Variants in TCF12 observed in about 807,000 individuals in gnomAD.
TCF12 encodes DNA-binding protein HTF4.
Under a neutral mutation model 86.0 loss-of-function variants are expected in TCF12, and 45 were observed. That is an observed-to-expected ratio of 0.52 (90% CI 0.41 to 0.67). TCF12 has a LOEUF of 0.67. Ranked by LOEUF, TCF12 falls within the 30% of genes least tolerant of loss-of-function variation. TCF12 has a pLI of 0.00. For missense variants in TCF12, 881 were observed against 859.9 expected, an observed-to-expected ratio of 1.02 and a Z score of -0.31; for synonymous variants, 330 against 299.6, an observed-to-expected ratio of 1.10 and a Z score of -1.05.
intron 3 of TCF12, among the ~76,000 whole-genome samples, chr15:56,998,512 T>C (rs1180100784): frequency 6.6e-6 from 1 of 150,462 alleles, no homozygotes; most frequent in Non-Finnish European, 1.5e-5. Context: ...ATAAATCTAA[T>C]TGACATTTGT....
intron 3 of TCF12, among the ~76,000 whole-genome samples, chr15:56,921,995 A>AT (rs2059814832): frequency 6.6e-6 from 1 of 152,078 alleles, no homozygotes; most frequent in Non-Finnish European, 1.5e-5. Context: ...AAATGAAGGC[A>AT]TTTTTTGGAT....
intron 8 of TCF12, among the ~76,000 whole-genome samples, chr15:57,218,384 T>C (rs2058422979): frequency 6.6e-6 from 1 of 152,208 alleles, no homozygotes; most frequent in Non-Finnish European, 1.5e-5. Context: ...AAACGATTGA[T>C]TGGAAAACAT....
chr15:57,153,248 A>C (rs753005628), intron 5 of TCF12, among the ~76,000 whole-genome samples: 2 of 152,206 alleles, frequency 1.3e-5, no homozygotes, highest in African/African-American at 4.8e-5. Flanking sequence ...AGACTCCGCA[A>C]ACTTTTTTCA....
intron 4 of TCF12, among the ~76,000 whole-genome samples, chr15:57,090,262 G>C (rs2048908825): frequency 6.6e-6 from 1 of 152,072 alleles, no homozygotes; most frequent in African/African-American, 2.4e-5. Context: ...AAGCTCTGTG[G>C]AGTGACGTTA....
At chr15:57,165,077 C>T (rs375835649) in intron 5 of TCF12, among the ~76,000 whole-genome samples, 9 of 152,010 alleles carry the variant, frequency 5.9e-5, no homozygotes, top group Admixed American at 2.6e-4. Flanking sequence ...GCTGAAAGTT[C>T]GCATCCTTTA....
intron 4 of TCF12, chr15:57,072,683 G>A (rs1368433286): frequency 1.5e-6 from 2 of 1,307,578 alleles, no homozygotes; most frequent in East Asian, 8.8e-5. Context: ...CAGTTAAATA[G>A]CAAAGCAAGA....
chr15:57,091,713 A>C lies in TCF12; in HGVS notation c.223-76A>C, dbSNP rs564359757. The stretch of plus-strand genomic sequence containing the variant: ...CCATGTGTAAGTCTGTATATTAATT[A>C]GGTGAGTGTCATTATGCTCAATTAG... On this transcript the variant is annotated intron_variant, in intron 4 of 20. Transcript: ENST00000333725. 479 of 990,888 alleles carry C rather than the reference A, an allele frequency of 4.8e-4. 1 individual carries two copies. Among genetic ancestry groups the C allele is most frequent in the Non-Finnish European group, 6.5e-4 (415 of 640,800 alleles). 61.4% of individuals were successfully genotyped at this position (990,888 alleles called of 1,614,324 possible). A position where few individuals can be genotyped will look rare whatever the true frequency, so the allele number is the denominator to read the frequency against.
At chr15:56,962,614 C>G (rs915732866) in intron 3 of TCF12, among the ~76,000 whole-genome samples, 3 of 152,062 alleles carry the variant, frequency 2.0e-5, no homozygotes, top group Non-Finnish European at 4.4e-5. Flanking sequence ...CACCACAGTT[C>G]AAATAAGAGA....
chr15:57,042,243 T>C (rs1596267770), intron 3 of TCF12, among the ~76,000 whole-genome samples: 1 of 152,072 alleles, frequency 6.6e-6, no homozygotes, highest in African/African-American at 2.4e-5. Context: ...CCTTAGCAAG[T>C]GTGGGTCTGG....
At chr15:57,044,999 A>G (rs982004566) in intron 3 of TCF12, among the ~76,000 whole-genome samples, 2 of 152,216 alleles carry the variant, frequency 1.3e-5, no homozygotes. Context: ...CTAAATGCTT[A>G]TTGAGTAGAA....
At chr15:56,944,651 G>A (rs1450169961) in intron 3 of TCF12, among the ~76,000 whole-genome samples, 1 of 152,088 alleles carries the variant, frequency 6.6e-6, no homozygotes, top group Non-Finnish European at 1.5e-5. Context: ...GTAATTTTTA[G>A]TGCACTAGAT....
At chr15:57,283,736 A>T (rs1216317701) in intron 20 of TCF12, among the ~76,000 whole-genome samples, 1 of 152,240 alleles carries the variant, frequency 6.6e-6, no homozygotes, top group Non-Finnish European at 1.5e-5. Flanking sequence ...TTGAACTGAA[A>T]GTCTGGAATT....
intron 3 of TCF12, among the ~76,000 whole-genome samples, chr15:56,963,585 C>T (rs2061871810): frequency 6.6e-6 from 1 of 152,044 alleles, no homozygotes; most frequent in Non-Finnish European, 1.5e-5. Flanking sequence ...AGAGGGAGCT[C>T]TTTGATTAAG....
In TCF12 at chr15:57,192,173, C is replaced by T; in HGVS notation, c.406C>T (p.Gln136Ter). The change falls in exon 7 of 21, where the codon CAA (glutamine) becomes TAA (stop). Residue 136 changes from glutamine to a stop codon, truncating the protein, a stop_gained. Transcript: ENST00000333725. LOFTEE classifies it high-confidence loss of function. The part of the protein sequence containing the change: ...LPGCQSSLLR[Q>*]DLGLGSPAQL... ...TATTTTATAGTCTAGTCTCCTGAGA[C>T]AAGATCTGGGGCTTGGGAGCCCAGC... 6.2e-7 allele frequency: 1 copy of T among 1,613,954 alleles called. No homozygotes were observed. Among genetic ancestry groups the T allele is most frequent in the Non-Finnish European group, 8.5e-7 (1 of 1,179,954 alleles).
upstream of TCF12, chr15:56,918,277 C>G (rs1252507872): frequency 1.1e-5 from 5 of 456,126 alleles, no homozygotes; most frequent in African/African-American, 2.0e-5. Flanking sequence ...GCAGCGGATC[C>G]AGATGCTTCC....
chr15:57,204,008 G>T (rs2057687412), intron 8 of TCF12, among the ~76,000 whole-genome samples: 1 of 151,250 alleles, frequency 6.6e-6, no homozygotes, highest in Non-Finnish European at 1.5e-5. Flanking sequence ...ATAAAAATTT[G>T]CTAGCTCTTC....
intron 3 of TCF12, among the ~76,000 whole-genome samples, chr15:56,941,372 A>AT (rs1185763054): frequency 6.0e-5 from 8 of 133,520 alleles, no homozygotes; most frequent in South Asian, 2.6e-4. Flanking sequence ...GTCTCAAAAA[A>AT]ATTTTTTTTT....
intron 3 of TCF12, among the ~76,000 whole-genome samples, chr15:56,942,378 T>A (rs12906025): frequency 6.6e-6 from 1 of 152,000 alleles, no homozygotes; most frequent in Admixed American, 6.6e-5. Context: ...CTGACTGTTT[T>A]CATTGACTAT....
chr15:57,092,642 C>T (rs1596488835), intron 5 of TCF12, among the ~76,000 whole-genome samples: 2 of 151,884 alleles, frequency 1.3e-5, no homozygotes, highest in African/African-American at 4.8e-5. Context: ...TTTTGCAAAA[C>T]CTGATTGAAA....
Sources: allele counts gnomAD v4.1 joint callset (sites outside exome capture counted in the v4.1 genomes callset), GRCh38; gene constraint gnomAD v4.1.1; transcripts MANE v1.5; gene names NCBI Gene and HGNC (gene_info 2026-07-23, HGNC 2026-07-21).